The following IL1RAPL2 variants were observed in gnomAD, a reference collection of about 807,000 sequenced individuals.
The protein encoded by IL1RAPL2 is X-linked interleukin-1 receptor accessory protein-like 2.
A neutral mutation model predicts 44.1 loss-of-function variants in IL1RAPL2; 3 were observed. That is an observed-to-expected ratio of 0.07 (90% CI 0.03 to 0.18). The LOEUF (loss-of-function observed/expected upper bound fraction) is 0.18. IL1RAPL2 is among the 10% of genes least tolerant of loss of function. The probability of loss-of-function intolerance (pLI) is 1.00; values close to 1 mark genes in which losing one functional copy is unlikely to be tolerated. For synonymous variants in IL1RAPL2, 181 were observed against 178.8 expected (o/e 1.01, Z -0.10); for missense variants, 391 against 496.4 (o/e 0.79, Z 2.02).
chrX:105,673,978 T>A (rs2037846714), intron 6 of IL1RAPL2, among the ~76,000 whole-genome samples: 1 of 111,865 alleles, frequency 8.9e-6, no homozygotes, highest in Non-Finnish European at 1.9e-5. Context: ...TTTTGAGAAG[T>A]GTCTGTTCAT....
chrX:105,541,535 G>C (rs1260723990), intron 6 of IL1RAPL2, among the ~76,000 whole-genome samples: 1 of 111,146 alleles, frequency 9.0e-6, no homozygotes, highest in African/African-American at 3.3e-5. Context: ...AGTAGTTGGG[G>C]CAGATTGTAG....
intron 2 of IL1RAPL2, among the ~76,000 whole-genome samples, chrX:104,861,034 C>T (rs1313395701): frequency 9.0e-6 from 1 of 111,250 alleles, no homozygotes; most frequent in East Asian, 2.8e-4. Flanking sequence ...TCCGCCATTA[C>T]TCCCAGAGCC....
intron 2 of IL1RAPL2, among the ~76,000 whole-genome samples, chrX:104,912,187 G>C (rs1484257786): frequency 9.6e-6 from 1 of 103,758 alleles, no homozygotes; most frequent in African/African-American, 3.6e-5. Context: ...GTTTTGTTTT[G>C]TTTTGCTGTA....
intron 2 of IL1RAPL2, among the ~76,000 whole-genome samples, chrX:104,886,199 T>A (rs1455165339): frequency 8.9e-6 from 1 of 112,778 alleles, no homozygotes; most frequent in Non-Finnish European, 1.9e-5. Context: ...CCTTTTTTGT[T>A]ATGCCTGAAA....
chrX:105,027,761 C>T (rs1249512977), intron 2 of IL1RAPL2, among the ~76,000 whole-genome samples: 1 of 111,366 alleles, frequency 9.0e-6, no homozygotes, highest in East Asian at 2.8e-4. Context: ...CTATGAAGAA[C>T]AGTTGGGAAG....
intron 5 of IL1RAPL2, among the ~76,000 whole-genome samples, chrX:105,385,677 T>A (rs186436218): frequency 3.9e-4 from 43 of 111,288 alleles, no homozygotes; most frequent in African/African-American, 1.3e-3. Context: ...ATTATAGCAG[T>A]GACATTAAAA....
chrX:105,187,154 A>G (rs2033595740), intron 2 of IL1RAPL2, among the ~76,000 whole-genome samples: 1 of 112,200 alleles, frequency 8.9e-6, no homozygotes, highest in Admixed American at 9.5e-5. Flanking sequence ...CTTTTAAGAA[A>G]TGCACATAAA....
rs1466772056 is a variant in IL1RAPL2 at position 104,936,787 on chromosome X, T to C, written c.83-258688T>C. On this transcript the variant is annotated intron_variant, in intron 2 of 10. Transcript: ENST00000372582. ...CGGTGGCTAATTTTTTTTGTATTTT[T>C]AGTAGAGATGGGGTTTCACCGTGTT... is the stretch of plus-strand genomic sequence containing the variant. 3.6e-5 allele frequency among the ~76,000 whole-genome samples: 4 copies of C among 110,062 alleles called. No individual in the cohort carries two copies. The East Asian group carries it at 1.2e-3, about 32-fold the overall frequency.
At chrX:105,231,206 CTG>C (rs1438713975) in intron 3 of IL1RAPL2, among the ~76,000 whole-genome samples, 1 of 112,223 alleles carries the variant, frequency 8.9e-6, no homozygotes, top group African/African-American at 3.2e-5. Context: ...TTTTAAATAA[CTG>C]TGACCATTTA....
intron 3 of IL1RAPL2, chrX:105,218,871 A>AC: frequency 2.7e-6 from 2 of 734,501 alleles, no homozygotes; most frequent in Non-Finnish European, 3.9e-6. Flanking sequence ...TTCTTCCCCT[A>AC]CCACCCCGGC....
chrX:105,469,261 C>T (rs759730330), intron 5 of IL1RAPL2, among the ~76,000 whole-genome samples: 2 of 110,748 alleles, frequency 1.8e-5, no homozygotes, highest in African/African-American at 6.6e-5. Flanking sequence ...ACCTGAAAGA[C>T]AGTGGGCAAT....
chrX:104,908,288 A>G (rs951494087), intron 2 of IL1RAPL2, among the ~76,000 whole-genome samples: 18 of 111,580 alleles, frequency 1.6e-4, no homozygotes, highest in Non-Finnish European at 2.8e-4. Context: ...TAATTGGAGC[A>G]TTTAGTCCAT....
intron 6 of IL1RAPL2, among the ~76,000 whole-genome samples, chrX:105,616,395 C>T (rs2037376646): frequency 9.0e-6 from 1 of 111,156 alleles, no homozygotes; most frequent in South Asian, 3.8e-4. Context: ...TTTATAATTC[C>T]ACCAGCAGTG....
chrX:105,075,246 CATG>C (rs2032275921), intron 2 of IL1RAPL2, among the ~76,000 whole-genome samples: 1 of 111,717 alleles, frequency 9.0e-6, no homozygotes, highest in South Asian at 3.8e-4. Flanking sequence ...GAGTTTTTAG[CATG>C]AAGGGTTGTT....
At chrX:104,949,192 T>C (rs1394535386) in intron 2 of IL1RAPL2, among the ~76,000 whole-genome samples, 2 of 108,952 alleles carry the variant, frequency 1.8e-5, no homozygotes, top group Non-Finnish European at 3.8e-5. Flanking sequence ...CTAGATTTTC[T>C]AGTTTATTTG....
intron 2 of IL1RAPL2, among the ~76,000 whole-genome samples, chrX:104,783,452 A>G (rs1932784282): frequency 9.0e-6 from 1 of 110,883 alleles, no homozygotes; most frequent in African/African-American, 3.3e-5. Flanking sequence ...AGGGAACAAG[A>G]AGGTATTCTG....
chrX:105,405,721 G>A, intron 5 of IL1RAPL2: 1 of 966,538 alleles, frequency 1.0e-6, no homozygotes, highest in East Asian at 3.1e-5. Flanking sequence ...GAATATGACT[G>A]ATTGTCACAC....
At chrX:105,625,984 A>G (rs971737087) in intron 6 of IL1RAPL2, among the ~76,000 whole-genome samples, 23 of 111,869 alleles carry the variant, frequency 2.1e-4, no homozygotes, top group Non-Finnish European at 2.6e-4. Context: ...CTGAATTTAT[A>G]GCACATTGAT....
At chrX:105,504,679 A>G (rs1256228951) in intron 6 of IL1RAPL2, among the ~76,000 whole-genome samples, 1 of 111,997 alleles carries the variant, frequency 8.9e-6, no homozygotes, top group Non-Finnish European at 1.9e-5. Flanking sequence ...AGCCAAACAA[A>G]TTGTGAAGAA....
Sources: allele counts gnomAD v4.1 joint callset (sites outside exome capture counted in the v4.1 genomes callset), GRCh38; gene constraint gnomAD v4.1.1; transcripts MANE v1.5; gene names NCBI Gene and HGNC (gene_info 2026-07-23, HGNC 2026-07-21).